Variants in SGIP1 observed in about 807,000 individuals in gnomAD.
The protein encoded by SGIP1 is SH3GL interacting endocytic adaptor 1.
Under a neutral mutation model 107.5 loss-of-function variants are expected in SGIP1, and 38 were observed. The observed-to-expected ratio is 0.35, with a 90% CI of 0.27 to 0.46. SGIP1 has a LOEUF of 0.46. Ranked by LOEUF, SGIP1 falls within the 20% of genes least tolerant of loss-of-function variation. SGIP1 has a pLI of 1.00. For missense variants in SGIP1, 929 were observed against 1,019.5 expected (o/e 0.91, Z 1.21); for synonymous variants, 365 against 366.1 (o/e 1.00, Z 0.03).
chr1:66,580,543 G>C (rs2061676344), intron 1 of SGIP1, among the ~76,000 whole-genome samples: 1 of 151,952 alleles, frequency 6.6e-6, no homozygotes, highest in Non-Finnish European at 1.5e-5. Context: ...ATGTTTATTT[G>C]TACATCATCT....
intron 15 of SGIP1, among the ~76,000 whole-genome samples, chr1:66,688,108 G>A (rs900903547): frequency 6.6e-6 from 1 of 152,128 alleles, no homozygotes; most frequent in Non-Finnish European, 1.5e-5. Flanking sequence ...GAGGTGGTAA[G>A]GGGGTGGCAG....
At chr1:66,723,087 A>G (rs1019403785) in intron 19 of SGIP1, among the ~76,000 whole-genome samples, 2 of 152,244 alleles carry the variant, frequency 1.3e-5, no homozygotes, top group African/African-American at 4.8e-5. Flanking sequence ...ACACTCATAT[A>G]TTTAATTTCA....
At chr1:66,664,277 C>CA (rs1326419491) in intron 8 of SGIP1, among the ~76,000 whole-genome samples, 1 of 151,936 alleles carries the variant, frequency 6.6e-6, no homozygotes, top group Non-Finnish European at 1.5e-5. Context: ...AAGGTGCATC[C>CA]AGGCAGGTTT....
At chr1:66,612,690 T>G (rs780921746) in intron 1 of SGIP1, among the ~76,000 whole-genome samples, 3 of 152,206 alleles carry the variant, frequency 2.0e-5, no homozygotes, top group African/African-American at 7.2e-5. Context: ...TCTTGAGAGA[T>G]TAAATGATTT....
intron 1 of SGIP1, among the ~76,000 whole-genome samples, chr1:66,617,318 T>TAA (rs35679039): frequency 6.6e-6 from 1 of 152,020 alleles, no homozygotes; most frequent in Non-Finnish European, 1.5e-5. Context: ...TAAATATCAT[T>TAA]AAAAAAATCA....
intron 20 of SGIP1, 79 bp downstream of exon 20, chr1:66,729,498 C>T (rs1286522627): frequency 6.5e-7 from 1 of 1,537,620 alleles, no homozygotes; most frequent in Admixed American, 1.8e-5. Context: ...TATATCTTAG[C>T]AACAGGGTCG....
intron 19 of SGIP1, among the ~76,000 whole-genome samples, chr1:66,723,402 TAA>T (rs955253350): frequency 6.6e-6 from 1 of 152,180 alleles, no homozygotes; most frequent in African/African-American, 2.4e-5. Context: ...TTCTGACATG[TAA>T]GACTTTCTCA....
intron 13 of SGIP1, among the ~76,000 whole-genome samples, chr1:66,677,720 T>A (rs879487111): frequency 9.2e-5 from 14 of 152,228 alleles, no homozygotes; most frequent in Non-Finnish European, 1.9e-4. Flanking sequence ...TTGGACTGAA[T>A]GGATTGTTCA....
chr1:66,585,784 C>G (rs142623719), intron 1 of SGIP1, among the ~76,000 whole-genome samples: 1 of 152,132 alleles, frequency 6.6e-6, no homozygotes, highest in East Asian at 1.9e-4. Context: ...GACACTGTGC[C>G]AGGCCAAGAG....
In SGIP1 at chr1:66,739,319, C is replaced by T. The variant is rs2094372592; in HGVS notation, c.2032-16C>T. On this transcript the variant is annotated splice_polypyrimidine_tract_variant and intron_variant, in intron 21 of 24. Transcript: ENST00000371037. The stretch of plus-strand genomic sequence containing the variant: ...CCTGTCATATGTTGTTATTTTCTTT[C>T]CTGTCGTTCGGCAAGGTGTCTGCCC... 6.2e-7 allele frequency: 1 copy of T among 1,604,526 alleles called. No homozygotes were observed. The highest frequency in any genetic ancestry group is 8.5e-7 in the Non-Finnish European group (1 of 1,179,174).
intron 19 of SGIP1, among the ~76,000 whole-genome samples, chr1:66,722,587 G>A (rs2093590850): frequency 6.6e-6 from 1 of 152,302 alleles, no homozygotes. Flanking sequence ...CTAGACAGGA[G>A]ATATATTGGC....
intron 3 of SGIP1, among the ~76,000 whole-genome samples, chr1:66,635,301 G>A (rs1002439755): frequency 2.0e-5 from 3 of 152,204 alleles, no homozygotes; most frequent in African/African-American, 7.2e-5. Context: ...TGTCTGTCAT[G>A]GTGTCCGAGT....
At chr1:66,596,657 C>T (rs1306384044) in intron 1 of SGIP1, among the ~76,000 whole-genome samples, 1 of 151,318 alleles carries the variant, frequency 6.6e-6, no homozygotes, top group Non-Finnish European at 1.5e-5. Context: ...GAACCTGCCC[C>T]TATCAGCCTA....
At chr1:66,693,852 G>A (rs1295245941) in intron 17 of SGIP1, among the ~76,000 whole-genome samples, 2 of 152,192 alleles carry the variant, frequency 1.3e-5, no homozygotes, top group South Asian at 2.1e-4. Context: ...CAAAATTAAC[G>A]GTCCATAACT....
intron 18 of SGIP1, among the ~76,000 whole-genome samples, chr1:66,703,521 A>ATG (rs1437033014): frequency 1.3e-5 from 2 of 151,330 alleles, no homozygotes; most frequent in Non-Finnish European, 2.9e-5. Flanking sequence ...ATACATACAT[A>ATG]TGCACACACA....
chr1:66,698,072 T>G (rs2091268179), intron 18 of SGIP1, among the ~76,000 whole-genome samples: 1 of 152,200 alleles, frequency 6.6e-6, no homozygotes, highest in South Asian at 2.1e-4. Flanking sequence ...AAAACACTAT[T>G]CTGTCTTGTT....
At chr1:66,630,239 G>T (rs1345442841) in intron 2 of SGIP1, among the ~76,000 whole-genome samples, 1 of 152,164 alleles carries the variant, frequency 6.6e-6, no homozygotes, top group Non-Finnish European at 1.5e-5. Context: ...GAGGTCAAAT[G>T]CCTCCCATTT....
chr1:66,536,688 C>T lies in SGIP1; in HGVS notation c.10+2320C>T, dbSNP rs199737847. The stretch of plus-strand genomic sequence containing the variant: ...GCACCCCAAATTTGTCATGGCAGCT[C>T]TTCGTTGAAACATTAGTGGACTCTG... On this transcript the variant is annotated intron_variant, in intron 1 of 24. Coordinates refer to ENST00000371037, the MANE Select transcript of SGIP1 (RefSeq NM_032291.4). Among the ~76,000 whole-genome samples the T allele has an allele frequency of 4.5e-4, 69 of 152,308 alleles. 2 individuals are homozygous for T. In the East Asian group the frequency reaches 8.5e-3, roughly 19 times the overall value.
chr1:66,652,225 T>C (rs1443175562), intron 7 of SGIP1, among the ~76,000 whole-genome samples: 1 of 151,462 alleles, frequency 6.6e-6, no homozygotes, highest in East Asian at 1.9e-4. Flanking sequence ...TATTGTAAAA[T>C]ACCCAGTTCA....
Sources: allele counts gnomAD v4.1 joint callset (sites outside exome capture counted in the v4.1 genomes callset), GRCh38; gene constraint gnomAD v4.1.1; transcripts MANE v1.5; gene names NCBI Gene and HGNC (gene_info 2026-07-23, HGNC 2026-07-21).